Variants in TP53I13 observed in about 807,000 individuals in gnomAD.
TP53I13 encodes tumor protein p53-inducible protein 13.
TP53I13 carries 27 observed loss-of-function variants against 39.1 expected under a neutral mutation model. The observed-to-expected ratio is 0.69, with a 90% CI of 0.51 to 0.95. The LOEUF (loss-of-function observed/expected upper bound fraction) is 0.95. TP53I13 is among the 40% of genes least tolerant of loss of function. TP53I13 has a pLI of 0.00. For synonymous variants in TP53I13, 230 were observed against 224.6 expected, an observed-to-expected ratio of 1.02 and a Z score of -0.22; for missense variants, 544 against 520.4, an observed-to-expected ratio of 1.05 and a Z score of -0.44.
chr17:29,572,926 G>A lies in TP53I13; in HGVS notation c.*2G>A. ...CCGGAAGGCGAGAGCTCGGAGTGAC[G>A]GCCTGGGACCTGCCACTGTGGCGTG... On this transcript the variant is annotated 3_prime_UTR_variant, in exon 7 of 7. Transcript: ENST00000301057. The A allele has an allele frequency of 6.8e-7, 1 of 1,474,846 alleles. No homozygotes were observed. The highest frequency in any genetic ancestry group is 1.3e-5 in the South Asian group (1 of 76,856). 91.4% of individuals were successfully genotyped at this position (1,474,846 alleles called of 1,614,324 possible).
the TP53I13 span, among the ~76,000 whole-genome samples, chr17:29,579,706 G>C: frequency 1.3e-5 from 2 of 151,532 alleles, no homozygotes; most frequent in East Asian, 3.9e-4. Flanking sequence ...CTGGGCAACA[G>C]AGCGAGACCC....
chr17:29,572,201 T>C lies in TP53I13; in HGVS notation c.573T>C (p.Ser191=). ...SWRPPGTEVT[S]QGPRQPSSSG... ...GGCCCCCTGGCACAGAGGTGACATC[T>C]CAAGGGCCCAGGCAGCCCTCTTCTA... is the stretch of plus-strand genomic sequence containing the variant. Residue 191 remains serine, a synonymous_variant, in exon 6 of 7, where the codon TCT becomes TCC. Transcript: ENST00000301057. 1 of 1,611,586 alleles carries C rather than the reference T, an allele frequency of 6.2e-7. No homozygotes were observed. Among genetic ancestry groups the C allele is most frequent in the Non-Finnish European group, 8.5e-7 (1 of 1,179,656 alleles).
chr17:29,568,710 C>G lies in TP53I13; in HGVS notation c.-49C>G. 1 of 1,290,046 alleles carries G rather than the reference C, an allele frequency of 7.8e-7. No homozygotes were observed. The highest frequency in any genetic ancestry group is 1.7e-5 in the South Asian group (1 of 58,420). 79.9% of individuals were successfully genotyped at this position (1,290,046 alleles called of 1,614,324 possible). A position where few individuals can be genotyped will look rare whatever the true frequency, so the allele number is the denominator to read the frequency against. On this transcript the variant is annotated 5_prime_UTR_variant, in exon 1 of 7. Coordinates refer to ENST00000301057, the MANE Select transcript of TP53I13 (RefSeq NM_138349.4). The surrounding 1 kb of genome is among the most constrained non-coding windows in gnomAD (Gnocchi z 4.5). ...TGGAGGGGCGGGGCGCGCGCGCTCC[C>G]TCGCTGGCGGAGCGGCTGGGCGGCG... is the stretch of plus-strand genomic sequence containing the variant.
At position 29,572,048 on chromosome 17, in the gene TP53I13, G is replaced by T. The variant is rs1202013789; in HGVS notation, c.504G>T (p.Gly168=). The T allele has an allele frequency of 3.1e-6, 5 of 1,613,106 alleles. No individual in the cohort carries two copies. In the South Asian group the frequency reaches 3.3e-5, roughly 11 times the overall value. ...GTAGAGGGAGGCTGTGCCGAAGAGGGTGTGTGCAGGTGAGAGACGCTGGGC... is the reference window on the plus strand; with the variant it reads ...GTAGAGGGAGGCTGTGCCGAAGAGGTTGTGTGCAGGTGAGAGACGCTGGGC... ...TPGRGRLCRR[G]CVQALALAFA... is the part of the protein sequence containing the mutation. Residue 168 remains glycine, a synonymous_variant, in exon 5 of 7, where the codon GGG becomes GGT. Transcript: ENST00000301057.
downstream of TP53I13, chr17:29,575,478 C>T (rs1478440853): frequency 6.3e-7 from 1 of 1,597,006 alleles, no homozygotes; most frequent in South Asian, 1.1e-5. The surrounding 1 kb of genome is among the most constrained non-coding windows in gnomAD (Gnocchi z 5.5). Context: ...AGCCTGAGGC[C>T]CAGGTCCAGA....
At chr17:29,569,165 A>G (rs570261001) in intron 2 of TP53I13, 79 bp downstream of exon 2, 15 of 1,497,862 alleles carry the variant, frequency 1.0e-5, no homozygotes, top group South Asian at 9.6e-5. Flanking sequence ...CGCACCCTCC[A>G]CAGTCACCAT....
the TP53I13 span, chr17:29,579,006 C>A: frequency 1.9e-5 from 31 of 1,613,606 alleles, no homozygotes; most frequent in Non-Finnish European, 2.5e-5. Flanking sequence ...CAGAGGAAGG[C>A]AGCAGAGGGA....
At chr17:29,566,479 A>G, upstream of TP53I13, 1 of 1,612,108 alleles carries the variant, frequency 6.2e-7, no homozygotes, top group South Asian at 1.1e-5. Flanking sequence ...CGCATTGGGG[A>G]TCACCAGAAG....
chr17:29,569,507 C>A, intron 3 of TP53I13, 148 bp downstream of exon 3: 2 of 721,158 alleles, frequency 2.8e-6, no homozygotes, highest in Non-Finnish European at 4.6e-6. Flanking sequence ...TGCCCCACCT[C>A]CAAGCCCAGG....
downstream of TP53I13, chr17:29,574,531 C>T (rs2033114325): frequency 1.5e-6 from 1 of 685,228 alleles, no homozygotes; most frequent in Non-Finnish European, 2.6e-6. Flanking sequence ...CCTCCCCATC[C>T]TTAGGGGCTC....
chr17:29,580,897 C>T, the TP53I13 span: 1 of 195,210 alleles, frequency 5.1e-6, no homozygotes, highest in Admixed American at 5.2e-5. Context: ...TCTCCTGTCT[C>T]AGCCTCCCGA....
chr17:29,568,666 G>A, upstream of TP53I13: 1 of 765,716 alleles, frequency 1.3e-6, no homozygotes, highest in African/African-American at 4.7e-5. This position sits in a 1 kb window ranked among gnomAD's most constrained non-coding sequence, Gnocchi z 4.5. Context: ...CGGCGCGGGC[G>A]GCGCGGGGGC....
chr17:29,578,119 C>T (rs535713944), downstream of TP53I13, among the ~76,000 whole-genome samples: 22 of 152,328 alleles, frequency 1.4e-4, no homozygotes, highest in African/African-American at 5.3e-4. Flanking sequence ...CCGCCTCCCC[C>T]TCAGCACTCT....
downstream of TP53I13, chr17:29,575,856 A>G: frequency 6.2e-7 from 1 of 1,611,952 alleles, no homozygotes; most frequent in South Asian, 1.1e-5. The surrounding 1 kb of genome is among the most constrained non-coding windows in gnomAD (Gnocchi z 5.5). Flanking sequence ...AGCGGGGAGG[A>G]GGGAGTGAAG....
chr17:29,568,120 A>T (rs2032770909), upstream of TP53I13: 1 of 151,426 alleles, frequency 6.6e-6, no homozygotes, highest in East Asian at 2.0e-4. The surrounding 1 kb of genome is among the most constrained non-coding windows in gnomAD (Gnocchi z 4.5). Flanking sequence ...GGGTTTGGAG[A>T]GTTTGGGGAG....
At position 29,568,866 on chromosome 17, in the gene TP53I13, C is replaced by G. The variant is rs375780639; in HGVS notation, c.72+36C>G. The G allele has an allele frequency of 7.5e-6, 12 of 1,599,270 alleles. No homozygotes were observed. Among genetic ancestry groups the G allele is most frequent in the Admixed American group, 5.0e-5 (3 of 59,808 alleles). Reference sequence around the variant, plus strand: ...CCGCTCCTGGGAAGGCCTCGGCCCGCGAGCTCAAAGCGCTTTGCCAAAAGT... The same window carrying G: ...CCGCTCCTGGGAAGGCCTCGGCCCGGGAGCTCAAAGCGCTTTGCCAAAAGT... On this transcript the variant is annotated intron_variant, in intron 1 of 6. Transcript: ENST00000301057. This position sits in a 1 kb window ranked among gnomAD's most constrained non-coding sequence, Gnocchi z 4.5.
rs2033030855 is a variant in TP53I13, at chr17:29,573,061, CCTT to C, written c.*138_*140del. 4.5e-6 allele frequency: 3 copies of C among 668,480 alleles called. No individual in the cohort carries two copies. Among genetic ancestry groups the C allele is most frequent in the Non-Finnish European group, 6.6e-6 (3 of 456,014 alleles). 41.4% of individuals were successfully genotyped at this position (668,480 alleles called of 1,614,324 possible). A position where few individuals can be genotyped will look rare whatever the true frequency, so the allele number is the denominator to read the frequency against. ...GGCCGAGCACTGCGGGGGCTTTCCTCCTTGTTGGTTGCTGAGTGGGCGGCCAAG... is the reference window on the plus strand; with the variant it reads ...GGCCGAGCACTGCGGGGGCTTTCCTCGTTGGTTGCTGAGTGGGCGGCCAAG... On this transcript the variant is annotated 3_prime_UTR_variant, in exon 7 of 7. Transcript: ENST00000301057.
At chr17:29,576,383 A>C, downstream of TP53I13, 1 of 1,613,288 alleles carries the variant, frequency 6.2e-7, no homozygotes, top group Non-Finnish European at 8.5e-7. Flanking sequence ...TTCACTGGGG[A>C]GTGGAGGTGT....
In TP53I13 at chr17:29,569,075, C is replaced by A; in HGVS notation, c.130C>A (p.Leu44Met). 1 of 1,597,994 alleles carries A rather than the reference C, an allele frequency of 6.3e-7. No individual in the cohort carries two copies. The change falls in exon 2 of 7, where the codon CTG becomes ATG. Residue 44 changes from leucine to methionine, a missense_variant. Physicochemically the swap from Leu to Met is conservative, Grantham distance 15 (BLOSUM62 2). Transcript: ENST00000301057. ...CCATTGTCCCGAGAGCCTGTGGCCT[C>A]TGCCTCCGCAGGTAGGAGCCCTGGA... ...GAHCPESLWPLPPQVSPRVTY... is the reference protein window; with the variant it reads ...GAHCPESLWPMPPQVSPRVTY...
Sources: gnomAD v4.1 joint callset for allele counts (sites outside exome capture counted in the v4.1 genomes callset) on GRCh38, gnomAD v4.1.1 for gene constraint, Gnocchi (gnomAD v3.1) non-coding constraint, MANE v1.5 for transcripts, NCBI Gene and HGNC (gene_info 2026-07-23, HGNC 2026-07-21) for gene names.